TMEM132B: variants seen among roughly 807,000 people sequenced by gnomAD.
The protein encoded by TMEM132B is transmembrane protein 132B.
Under a neutral mutation model 90.8 loss-of-function variants are expected in TMEM132B, and 18 were observed. The ratio of observed to expected loss-of-function variants is 0.20; its 90% CI spans 0.14 to 0.29. The LOEUF (loss-of-function observed/expected upper bound fraction) is 0.29, where lower values mean the gene tolerates loss of function less well. Ranked by LOEUF, TMEM132B falls within the 10% of genes least tolerant of loss-of-function variation. TMEM132B has a pLI of 1.00. For synonymous variants in TMEM132B, 504 were observed against 523.3 expected, an observed-to-expected ratio of 0.96 and a Z score of 0.50; for missense variants, 1,096 against 1,326.8, an observed-to-expected ratio of 0.83 and a Z score of 2.70.
intron 1 of TMEM132B, among the ~76,000 whole-genome samples, chr12:125,278,477 C>CTTT (rs35950577): frequency 0.036 from 5,093 of 141,464 alleles, 226 homozygotes; most frequent in African/African-American, 0.088. Flanking sequence ...GAATCTCCAT[C>CTTT]TTTTTTTTTT....
At chr12:125,289,055 C>A (rs1157860309) in intron 1 of TMEM132B, among the ~76,000 whole-genome samples, 1 of 152,162 alleles carries the variant, frequency 6.6e-6, no homozygotes, top group Non-Finnish European at 1.5e-5. Context: ...GTTACCACAC[C>A]TTACCTATTC....
intron 1 of TMEM132B, among the ~76,000 whole-genome samples, chr12:125,207,608 A>C (rs973457682): frequency 1.3e-5 from 2 of 152,132 alleles, no homozygotes; most frequent in Non-Finnish European, 2.9e-5. Context: ...CCATCTTAAC[A>C]ATTTTTAAGT....
intron 1 of TMEM132B, among the ~76,000 whole-genome samples, chr12:125,233,333 C>T (rs978100528): frequency 1.3e-5 from 2 of 152,336 alleles, no homozygotes; most frequent in African/African-American, 4.8e-5. Context: ...AGTTTCTGCT[C>T]TGCCATCTTT....
intron 1 of TMEM132B, among the ~76,000 whole-genome samples, chr12:125,287,590 A>G (rs1565993452): frequency 6.6e-6 from 1 of 152,202 alleles, no homozygotes; most frequent in Non-Finnish European, 1.5e-5. Flanking sequence ...TTGACATTTA[A>G]ACAGAAAATG....
intron 1 of TMEM132B, among the ~76,000 whole-genome samples, chr12:125,295,513 TGTGA>T (rs1192641447): frequency 2.0e-5 from 2 of 100,442 alleles, no homozygotes; most frequent in African/African-American, 8.9e-5. Context: ...TGTGTGTGTG[TGTGA>T]GAGAGAGAGA....
chr12:125,635,372 A>G (rs1593035675), intron 5 of TMEM132B, among the ~76,000 whole-genome samples: 1 of 151,636 alleles, frequency 6.6e-6, no homozygotes, highest in East Asian at 1.9e-4. Flanking sequence ...ACTCCCACTT[A>G]TGAGTGAGAA....
intron 2 of TMEM132B, among the ~76,000 whole-genome samples, chr12:125,403,321 A>G (rs1879371497): frequency 6.6e-6 from 1 of 152,110 alleles, no homozygotes; most frequent in Non-Finnish European, 1.5e-5. Flanking sequence ...GGACTGTCTC[A>G]TGCTGTGAGG....
At chr12:125,479,174 C>G (rs1881972946) in intron 3 of TMEM132B, among the ~76,000 whole-genome samples, 1 of 152,170 alleles carries the variant, frequency 6.6e-6, no homozygotes, top group Non-Finnish European at 1.5e-5. Flanking sequence ...ATTGTAAAGA[C>G]CATCAATGCT....
intron 1 of TMEM132B, among the ~76,000 whole-genome samples, chr12:125,269,180 T>G (rs1874764683): frequency 6.6e-6 from 1 of 152,234 alleles, no homozygotes; most frequent in Non-Finnish European, 1.5e-5. Flanking sequence ...AGACCTGGGC[T>G]GGTTTCCCTT....
At chr12:125,230,270 T>C (rs1019443670) in intron 1 of TMEM132B, among the ~76,000 whole-genome samples, 1 of 152,100 alleles carries the variant, frequency 6.6e-6, no homozygotes, top group African/African-American at 2.4e-5. Context: ...GAGAAGGAGG[T>C]GGTGCTTCTC....
At chr12:125,563,599 A>AAACAAACAAAC (rs1555258801) in intron 4 of TMEM132B, among the ~76,000 whole-genome samples, 19 of 113,412 alleles carry the variant, frequency 1.7e-4, no homozygotes, top group African/African-American at 5.4e-4. Context: ...ACAAACAAAC[A>AAACAAACAAAC]AAAAAAAACC....
intron 1 of TMEM132B, among the ~76,000 whole-genome samples, chr12:125,243,714 C>T (rs972377918): frequency 6.6e-6 from 1 of 152,214 alleles, no homozygotes; most frequent in Admixed American, 6.5e-5. Context: ...CCCCCCATCC[C>T]TCTTCCGTCA....
At chr12:125,436,427 A>C (rs1212307964) in intron 3 of TMEM132B, among the ~76,000 whole-genome samples, 3 of 152,204 alleles carry the variant, frequency 2.0e-5, no homozygotes, top group African/African-American at 7.2e-5. Context: ...AGTTGTAATT[A>C]TTTAAGAAGA....
intron 2 of TMEM132B, among the ~76,000 whole-genome samples, chr12:125,367,175 G>A (rs994555207): frequency 2.0e-5 from 3 of 152,116 alleles, no homozygotes; most frequent in African/African-American, 7.2e-5. Context: ...GGTTTCAGTT[G>A]ATTGTCTTTT....
intron 4 of TMEM132B, among the ~76,000 whole-genome samples, chr12:125,543,974 T>C (rs1566068698): frequency 6.6e-6 from 1 of 152,088 alleles, no homozygotes. Flanking sequence ...ATAGACTGGA[T>C]TAAAAAAACT....
At chr12:125,645,535 G>A (rs1222707304) in intron 6 of TMEM132B, among the ~76,000 whole-genome samples, 1 of 152,186 alleles carries the variant, frequency 6.6e-6, no homozygotes, top group African/African-American at 2.4e-5. Flanking sequence ...TTTAGTAGCT[G>A]AGAGCAGCCT....
chr12:125,378,361 A>G (rs1318016561), intron 2 of TMEM132B, among the ~76,000 whole-genome samples: 1 of 152,204 alleles, frequency 6.6e-6, no homozygotes, highest in Non-Finnish European at 1.5e-5. Context: ...GACTGCACGT[A>G]CCATCAAATC....
At chr12:125,528,068 A>G (rs1341995370) in intron 4 of TMEM132B, among the ~76,000 whole-genome samples, 1 of 152,164 alleles carries the variant, frequency 6.6e-6, no homozygotes, top group Non-Finnish European at 1.5e-5. Flanking sequence ...TTTCTGCATT[A>G]TCTTCTACAT....
At chr12:125,245,560 G>A (rs549107548) in intron 1 of TMEM132B, among the ~76,000 whole-genome samples, 1 of 152,330 alleles carries the variant, frequency 6.6e-6, no homozygotes, top group South Asian at 2.1e-4. Flanking sequence ...GTGCAGTTCT[G>A]TGTAGCTAGA....
Sources: allele counts gnomAD v4.1 joint callset (sites outside exome capture counted in the v4.1 genomes callset), GRCh38; gene constraint gnomAD v4.1.1; transcripts MANE v1.5; gene names NCBI Gene and HGNC (gene_info 2026-07-23, HGNC 2026-07-21).